Variants in SESN1 observed in about 807,000 individuals in gnomAD.
The protein encoded by SESN1 is sestrin-1.
Under a neutral mutation model 59.3 loss-of-function variants are expected in SESN1, and 30 were observed. That is an observed-to-expected ratio of 0.51 (90% CI 0.38 to 0.69). The LOEUF (loss-of-function observed/expected upper bound fraction) is 0.69. SESN1 is among the 30% of genes least tolerant of loss of function. SESN1 has a pLI of 0.00. For missense variants in SESN1, 566 were observed against 673.0 expected, an observed-to-expected ratio of 0.84 and a Z score of 1.76; for synonymous variants, 197 against 219.9, an observed-to-expected ratio of 0.90 and a Z score of 0.92.
intron 1 of SESN1, among the ~76,000 whole-genome samples, chr6:109,068,469 GAAGAT>G (rs1780872108): frequency 6.6e-6 from 1 of 152,034 alleles, no homozygotes; most frequent in South Asian, 2.1e-4. Flanking sequence ...TTGTAATTTG[GAAGAT>G]AAGTTCAGGG....
In SESN1 at chr6:109,037,894, C is replaced by T. The variant is rs187692542; in HGVS notation, c.280-35551G>A. On this transcript the variant is annotated intron_variant, in intron 1 of 9. Coordinates refer to ENST00000436639, the MANE Select transcript of SESN1 (RefSeq NM_014454.3). ...ATTTACATATTTAGTTGATGTTCAA[C>T]GATGCCTATAATTCTATAAGCTGAC... Among the ~76,000 whole-genome samples, 7 of 151,626 alleles carry T rather than the reference C, an allele frequency of 4.6e-5. No individual in the cohort carries two copies. In the East Asian group the frequency reaches 5.8e-4, roughly 13 times the overall value.
intron 1 of SESN1, among the ~76,000 whole-genome samples, chr6:109,087,929 C>T (rs374189281): frequency 2.7e-5 from 4 of 149,734 alleles, no homozygotes; most frequent in East Asian, 2.0e-4. Context: ...TTCTCCTCAT[C>T]GAGAAATTTT....
At chr6:109,046,981 G>A (rs1258581758) in intron 1 of SESN1, among the ~76,000 whole-genome samples, 4 of 94,880 alleles carry the variant, frequency 4.2e-5, no homozygotes, top group African/African-American at 8.1e-5. Flanking sequence ...CACCCCGTCC[G>A]GGAGGGAGGT....
intron 1 of SESN1, among the ~76,000 whole-genome samples, chr6:109,049,467 T>C (rs1780508103): frequency 6.6e-6 from 1 of 152,096 alleles, no homozygotes; most frequent in Non-Finnish European, 1.5e-5. Context: ...TAGTGTTCCA[T>C]AGCAATGTAG....
rs1779644253 is a variant in SESN1 at position 109,002,341 on chromosome 6, T to C, written c.282A>G (p.Glu94=). ...KSEFILKSIQ[E]LGIRIPRPLG... is the part of the protein sequence containing the mutation. ...GTGGTCGAGGAATTCTAATGCCAAG[T>C]TCCTAGAAAAGAAAATTACACCATC... is the stretch of plus-strand genomic sequence containing the variant. The change falls in exon 2 of 10, where the codon GAA becomes GAG. Residue 94 remains glutamate (E), a splice_region_variant and synonymous_variant. Transcript: ENST00000436639. 2 of 1,612,974 alleles carry C rather than the reference T, an allele frequency of 1.2e-6. No individual in the cohort carries two copies. Among genetic ancestry groups the C allele is most frequent in the Non-Finnish European group, 1.7e-6 (2 of 1,179,146 alleles).
intron 1 of SESN1, among the ~76,000 whole-genome samples, chr6:109,086,895 A>G (rs1052034368): frequency 2.0e-5 from 3 of 152,154 alleles, no homozygotes; most frequent in Non-Finnish European, 4.4e-5. Flanking sequence ...GCACTTTGGG[A>G]GGCCGAGATG....
intron 1 of SESN1, among the ~76,000 whole-genome samples, chr6:109,089,046 T>C (rs1302710270): frequency 1.3e-5 from 2 of 151,486 alleles, no homozygotes; most frequent in Non-Finnish European, 2.9e-5. Flanking sequence ...AGATGCTATC[T>C]CCCAATGTGT....
intron 1 of SESN1, chr6:109,009,317 G>T: frequency 6.9e-7 from 1 of 1,447,350 alleles, no homozygotes; most frequent in Non-Finnish European, 9.1e-7. Context: ...GTGCCCACCC[G>T]CCCAGGTACC....
chr6:109,084,574 G>C (rs773755980), intron 1 of SESN1, among the ~76,000 whole-genome samples: 57 of 151,674 alleles, frequency 3.8e-4, no homozygotes, highest in Admixed American at 1.1e-3. Context: ...CAAAACAAAA[G>C]AAAACAAAAC....
rs552586539 is a variant in SESN1, at chr6:109,029,394, G to A, written c.280-27051C>T. On this transcript the variant is annotated intron_variant, in intron 1 of 9. Coordinates refer to ENST00000436639, the MANE Select transcript of SESN1 (RefSeq NM_014454.3). ...TCAGAGCAATTCTTAAGAGAAGCAGGAATGATTTTGCTTTATTAAATCTTT... is the reference window on the plus strand; with the variant it reads ...TCAGAGCAATTCTTAAGAGAAGCAGAAATGATTTTGCTTTATTAAATCTTT... 4.6e-5 allele frequency among the ~76,000 whole-genome samples: 7 copies of A among 152,278 alleles called. No homozygotes were observed. In the East Asian group the frequency reaches 1.4e-3, roughly 29 times the overall value.
intron 1 of SESN1, among the ~76,000 whole-genome samples, chr6:109,041,943 T>G (rs994519320): frequency 6.6e-6 from 1 of 152,134 alleles, no homozygotes; most frequent in Non-Finnish European, 1.5e-5. Context: ...GAATACATCA[T>G]GGCCATAAAA....
chr6:109,006,998 G>C (rs777745552), intron 1 of SESN1, among the ~76,000 whole-genome samples: 5 of 152,210 alleles, frequency 3.3e-5, no homozygotes, highest in Non-Finnish European at 7.3e-5. Flanking sequence ...AGCAGATGTA[G>C]ATACTAATCA....
At chr6:109,060,305 A>G (rs1429957968) in intron 1 of SESN1, among the ~76,000 whole-genome samples, 1 of 152,226 alleles carries the variant, frequency 6.6e-6, no homozygotes, top group African/African-American at 2.4e-5. Flanking sequence ...AGCTTTTAAA[A>G]TTAGTGTCTT....
At chr6:108,989,998 A>C (rs1310030269) in intron 8 of SESN1, among the ~76,000 whole-genome samples, 1 of 152,218 alleles carries the variant, frequency 6.6e-6, no homozygotes, top group African/African-American at 2.4e-5. Flanking sequence ...AGATCCGTTT[A>C]GAGTAGATTA....
At chr6:109,037,042 C>T (rs1780260495) in intron 1 of SESN1, among the ~76,000 whole-genome samples, 1 of 152,146 alleles carries the variant, frequency 6.6e-6, no homozygotes, top group African/African-American at 2.4e-5. Flanking sequence ...CCATAATGTG[C>T]TGCCAAAATA....
Position 109,014,710 on chromosome 6 carries a change from T to C in SESN1, c.280-12367A>G, listed in dbSNP as rs773608582. Among the ~76,000 whole-genome samples, 105 of 152,330 alleles carry C rather than the reference T, an allele frequency of 6.9e-4. 1 individual carries two copies. The highest frequency in any genetic ancestry group is 1.3e-3 in the Non-Finnish European group (90 of 68,030). ...TGAGAGCTTCTCTCCTCCATATTTC[T>C]GTCACTCCTCTCAGTGTCTCTTTCT... On this transcript the variant is annotated intron_variant, in intron 1 of 9. Coordinates refer to ENST00000436639, the MANE Select transcript of SESN1 (RefSeq NM_014454.3).
At position 109,014,588 on chromosome 6, in the gene SESN1, T is replaced by C. The variant is rs576253794; in HGVS notation, c.280-12245A>G. Among the ~76,000 whole-genome samples, 14 of 152,306 alleles carry C rather than the reference T, an allele frequency of 9.2e-5. No individual in the cohort carries two copies. In the South Asian group the frequency reaches 2.9e-3, roughly 32 times the overall value. On this transcript the variant is annotated intron_variant, in intron 1 of 9. Coordinates refer to ENST00000436639, the MANE Select transcript of SESN1 (RefSeq NM_014454.3). Reference sequence around the variant, plus strand: ...AAAAGAGGGTAGAAAGACAGAAAAATTTATCTCCCTTGCTTTTACTCAGGG... The same window carrying C: ...AAAAGAGGGTAGAAAGACAGAAAAACTTATCTCCCTTGCTTTTACTCAGGG...
chr6:109,031,573 C>T (rs1193211476), intron 1 of SESN1, among the ~76,000 whole-genome samples: 1 of 152,158 alleles, frequency 6.6e-6, no homozygotes, highest in Non-Finnish European at 1.5e-5. Flanking sequence ...CTTCCCTGAC[C>T]CCTCCTGGTC....
intron 1 of SESN1, among the ~76,000 whole-genome samples, chr6:109,086,265 C>G (rs1404151839): frequency 1.3e-5 from 2 of 152,018 alleles, no homozygotes; most frequent in Non-Finnish European, 2.9e-5. Flanking sequence ...GCAGGGAGAA[C>G]TGCTTGAACC....
Sources: gnomAD v4.1 joint callset for allele counts (sites outside exome capture counted in the v4.1 genomes callset) on GRCh38, gnomAD v4.1.1 for gene constraint, MANE v1.5 for transcripts, NCBI Gene and HGNC (gene_info 2026-07-23, HGNC 2026-07-21) for gene names.